CLNK: variants seen among roughly 807,000 people sequenced by gnomAD.
CLNK encodes the protein cytokine-dependent hematopoietic cell linker.
In CLNK, 74 loss-of-function variants were observed where a neutral mutation model predicts 68.6. The observed-to-expected ratio is 1.08, with a 90% CI of 0.89 to 1.31. The LOEUF (loss-of-function observed/expected upper bound fraction) is 1.31. CLNK is among the 50% of genes most tolerant of loss of function. The pLI is 0.00. For missense variants in CLNK, 553 were observed against 515.3 expected, an observed-to-expected ratio of 1.07 and a Z score of -0.71; for synonymous variants, 198 against 172.2, an observed-to-expected ratio of 1.15 and a Z score of -1.17.
chr4:10,726,353 T>C, the CLNK span, among the ~76,000 whole-genome samples: 4 of 152,192 alleles, frequency 2.6e-5, no homozygotes, highest in African/African-American at 9.7e-5. Flanking sequence ...TCTCTTGACC[T>C]CGTGATTCAC....
chr4:10,584,842 TAAAAAC>T (rs1720912760), intron 4 of CLNK, 79 bp downstream of exon 4: 3 of 1,410,152 alleles, frequency 2.1e-6, no homozygotes, highest in African/African-American at 1.4e-5. Flanking sequence ...TTTATTGAAA[TAAAAAC>T]AAAAAAGAAT....
At chr4:10,492,015 T>C (rs1716596324) in intron 18 of CLNK, among the ~76,000 whole-genome samples, 1 of 151,984 alleles carries the variant, frequency 6.6e-6, no homozygotes. Context: ...CCTGAAGGAG[T>C]ATATTGGGAG....
At chr4:10,631,490 A>G (rs1279082228) in intron 2 of CLNK, among the ~76,000 whole-genome samples, 1 of 152,118 alleles carries the variant, frequency 6.6e-6, no homozygotes, top group African/African-American at 2.4e-5. Flanking sequence ...AGTTTTGCAG[A>G]TCTTTGCATT....
In CLNK at chr4:10,540,566, G is replaced by C; in HGVS notation, c.530C>G (p.Pro177Arg). The change falls in exon 11 of 19, where the codon CCC becomes CGC. Residue 177 changes from proline (P) to arginine (R), a missense_variant. Transcript: ENST00000226951. ...ITLPKKYQPL[P>R]PEPESSRPPL... Reference sequence around the variant, plus strand: ...TGGCCTGCTGCTCTCCGGCTCAGGGGGCAAGGGTTGGTACTTCTTCGGAAG... The same window carrying C: ...TGGCCTGCTGCTCTCCGGCTCAGGGCGCAAGGGTTGGTACTTCTTCGGAAG... 2 of 1,613,904 alleles carry C rather than the reference G, an allele frequency of 1.2e-6. No individual in the cohort carries two copies. The highest frequency in any genetic ancestry group is 2.2e-5 in the East Asian group (1 of 44,876).
intron 2 of CLNK, among the ~76,000 whole-genome samples, chr4:10,610,121 A>T (rs1228240124): frequency 8.0e-6 from 1 of 125,402 alleles, no homozygotes; most frequent in Non-Finnish European, 1.6e-5. Context: ...CTGTGGCGCG[A>T]TCTCCGCTCA....
chr4:10,655,153 T>G lies in CLNK; in HGVS notation c.11+12706A>C, dbSNP rs1053625762. ...CTCAAAAAGATGTTAAGGTCTGGTC[T>G]TTTGGAAAGAAAATTATGAAACATT... On this transcript the variant is annotated intron_variant, in intron 2 of 18. Transcript: ENST00000226951. 3.3e-5 allele frequency among the ~76,000 whole-genome samples: 5 copies of G among 151,538 alleles called. No homozygotes were observed. In the South Asian group the frequency reaches 6.3e-4, roughly 19 times the overall value.
the CLNK span, among the ~76,000 whole-genome samples, chr4:10,708,069 A>T: frequency 6.6e-6 from 1 of 152,210 alleles, no homozygotes; most frequent in African/African-American, 2.4e-5. Flanking sequence ...AATAGAGACA[A>T]GAGACAAGGC....
chr4:10,604,897 G>T (rs374277262), intron 2 of CLNK, among the ~76,000 whole-genome samples: 2 of 152,230 alleles, frequency 1.3e-5, no homozygotes, highest in East Asian at 3.8e-4. Flanking sequence ...TGTAGACGTT[G>T]CTGTGAAGCT....
the CLNK span, among the ~76,000 whole-genome samples, chr4:10,692,840 T>C: frequency 6.6e-6 from 1 of 152,210 alleles, no homozygotes; most frequent in Admixed American, 6.5e-5. Flanking sequence ...CCTTGTAGAT[T>C]AGCAGATGGA....
At chr4:10,659,016 A>G (rs1330810077) in intron 2 of CLNK, among the ~76,000 whole-genome samples, 1 of 152,172 alleles carries the variant, frequency 6.6e-6, no homozygotes, top group Non-Finnish European at 1.5e-5. Flanking sequence ...CAACCCAGCC[A>G]ACATGGTGAA....
chr4:10,673,729 G>T lies in CLNK; in HGVS notation c.-42-5818C>A, dbSNP rs531886548. ...GAAATAACTAATGTTAATAAAAAAAGAAGTAACCCCAACTCCCACATGGAC... is the reference window on the plus strand; with the variant it reads ...GAAATAACTAATGTTAATAAAAAAATAAGTAACCCCAACTCCCACATGGAC... On this transcript the variant is annotated intron_variant, in intron 1 of 18. Transcript: ENST00000226951. 1.6e-4 allele frequency among the ~76,000 whole-genome samples: 24 copies of T among 151,758 alleles called. No individual in the cohort carries two copies. The South Asian group carries it at 4.8e-3, about 30-fold the overall frequency.
At chr4:10,695,522 A>ATT in the CLNK span, among the ~76,000 whole-genome samples, 1 of 152,168 alleles carries the variant, frequency 6.6e-6, no homozygotes, top group Admixed American at 6.5e-5. Flanking sequence ...TCTCAAGCTA[A>ATT]ACTCAGTGGC....
At chr4:10,610,119 C>A (rs1243140864) in intron 2 of CLNK, among the ~76,000 whole-genome samples, 2 of 128,956 alleles carry the variant, frequency 1.6e-5, no homozygotes, top group African/African-American at 3.0e-5. Context: ...TGCTGTGGCG[C>A]GATCTCCGCT....
intron 18 of CLNK, among the ~76,000 whole-genome samples, chr4:10,492,783 G>C (rs1577083634): frequency 6.6e-6 from 1 of 152,318 alleles, no homozygotes; most frequent in East Asian, 1.9e-4. Context: ...GAAATGTAGA[G>C]TGGGAATGTC....
intron 16 of CLNK, among the ~76,000 whole-genome samples, chr4:10,508,800 G>A (rs1038870759): frequency 1.3e-5 from 2 of 152,080 alleles, no homozygotes; most frequent in South Asian, 2.1e-4. Context: ...AAGATGGACA[G>A]TGAAGTTTCA....
chr4:10,525,754 C>A, intron 14 of CLNK, 87 bp downstream of exon 14: 1 of 758,378 alleles, frequency 1.3e-6, no homozygotes, highest in East Asian at 2.8e-5. Flanking sequence ...TTTCGTTTCT[C>A]AGAAAGTCTT....
intron 2 of CLNK, among the ~76,000 whole-genome samples, chr4:10,627,724 T>C (rs1382948126): frequency 6.6e-6 from 1 of 152,110 alleles, no homozygotes; most frequent in Non-Finnish European, 1.5e-5. Flanking sequence ...GGATTGCCTT[T>C]GACTGACAGG....
At chr4:10,599,053 G>A (rs780824395) in intron 2 of CLNK, among the ~76,000 whole-genome samples, 2 of 152,116 alleles carry the variant, frequency 1.3e-5, no homozygotes, top group Non-Finnish European at 1.5e-5. Context: ...AATCCTCCTC[G>A]GCCTCACAGA....
chr4:10,653,723 A>G (rs1313061622), intron 2 of CLNK, among the ~76,000 whole-genome samples: 1 of 152,216 alleles, frequency 6.6e-6, no homozygotes, highest in Non-Finnish European at 1.5e-5. Context: ...AAATGAAATG[A>G]AAATACAGAG....
Sources: allele counts gnomAD v4.1 joint callset (sites outside exome capture counted in the v4.1 genomes callset), GRCh38; gene constraint gnomAD v4.1.1; transcripts MANE v1.5; gene names NCBI Gene and HGNC (gene_info 2026-07-23, HGNC 2026-07-21).